Variants in SPATA16 observed in about 807,000 individuals in gnomAD.
SPATA16 encodes the protein spermatogenesis associated 16.
Under a neutral mutation model 63.3 loss-of-function variants are expected in SPATA16, and 36 were observed. That is an observed-to-expected ratio of 0.57 (90% CI 0.44 to 0.75). SPATA16 has a LOEUF of 0.75. Ranked by LOEUF, SPATA16 falls within the 30% of genes least tolerant of loss-of-function variation. The pLI is 0.00. For synonymous variants in SPATA16, 203 were observed against 216.7 expected (o/e 0.94, Z 0.56); for missense variants, 646 against 679.3 (o/e 0.95, Z 0.54).
intron 7 of SPATA16, 34 bp from the exon 8 acceptor site, chr3:172,924,351 T>A: frequency 6.8e-7 from 1 of 1,480,042 alleles, no homozygotes; most frequent in African/African-American, 1.4e-5. Flanking sequence ...TTATACTATT[T>A]TCTCCAGACT....
At chr3:173,135,032 G>A (rs6778392) in intron 1 of SPATA16, among the ~76,000 whole-genome samples, 32,463 of 152,034 alleles carry the variant, frequency 0.21, 4,040 homozygotes, top group African/African-American at 0.34. Context: ...ATGACAATTC[G>A]TAGAATAAAA....
chr3:173,103,231 G>A (rs1737536714), intron 2 of SPATA16, among the ~76,000 whole-genome samples: 1 of 152,194 alleles, frequency 6.6e-6, no homozygotes, highest in South Asian at 2.1e-4. Flanking sequence ...GCTGCTGGCG[G>A]TGCTATTGTT....
intron 2 of SPATA16, among the ~76,000 whole-genome samples, chr3:173,053,064 T>A (rs1257014629): frequency 6.6e-6 from 1 of 152,182 alleles, no homozygotes; most frequent in Admixed American, 6.5e-5. Context: ...ATGTTAAAAA[T>A]GAAATTTCAG....
At chr3:172,903,668 G>A (rs1184088685) in intron 10 of SPATA16, among the ~76,000 whole-genome samples, 1 of 152,218 alleles carries the variant, frequency 6.6e-6, no homozygotes, top group South Asian at 2.1e-4. Flanking sequence ...CTGTTTCCTT[G>A]AAGTTCTGAA....
chr3:173,127,692 TCA>T (rs1056250010), intron 1 of SPATA16, among the ~76,000 whole-genome samples: 5 of 152,262 alleles, frequency 3.3e-5, no homozygotes, highest in Non-Finnish European at 5.9e-5. Flanking sequence ...TCTCAGGGTA[TCA>T]CATTTGGAGG....
chr3:173,066,638 G>C (rs977757717), intron 2 of SPATA16, among the ~76,000 whole-genome samples: 2 of 152,188 alleles, frequency 1.3e-5, no homozygotes, highest in African/African-American at 4.8e-5. Context: ...AGTGACCACA[G>C]GCTTAGGTCA....
At chr3:173,032,057 A>G (rs1735618936) in intron 3 of SPATA16, among the ~76,000 whole-genome samples, 1 of 152,118 alleles carries the variant, frequency 6.6e-6, no homozygotes, top group South Asian at 2.1e-4. Context: ...ACCTAACTTC[A>G]GGGAAATAAC....
intron 4 of SPATA16, among the ~76,000 whole-genome samples, chr3:172,986,555 A>T (rs1734463450): frequency 6.6e-6 from 1 of 152,154 alleles, no homozygotes; most frequent in African/African-American, 2.4e-5. Flanking sequence ...AAGCAAAGGG[A>T]GCATAAGCCC....
intron 2 of SPATA16, among the ~76,000 whole-genome samples, chr3:173,092,752 G>A (rs1394810672): frequency 1.3e-5 from 2 of 152,126 alleles, no homozygotes; most frequent in Non-Finnish European, 2.9e-5. Flanking sequence ...CACTAAATTT[G>A]TGGTAACTTG....
chr3:173,029,755 G>A (rs1735558354), intron 3 of SPATA16, among the ~76,000 whole-genome samples: 1 of 151,960 alleles, frequency 6.6e-6, no homozygotes, highest in Admixed American at 6.6e-5. Flanking sequence ...ATACACATGG[G>A]TAATTTTCTC....
At chr3:172,959,424 G>A (rs771032946) in intron 5 of SPATA16, among the ~76,000 whole-genome samples, 2 of 152,168 alleles carry the variant, frequency 1.3e-5, no homozygotes, top group Admixed American at 6.5e-5. Context: ...GAGGGTATGC[G>A]CTGGAGAGCA....
In SPATA16 at chr3:173,024,884, G is replaced by A. The variant is rs190459478; in HGVS notation, c.759-5309C>T. Among the ~76,000 whole-genome samples the A allele has an allele frequency of 8.0e-3, 1,208 of 150,488 alleles. 6 individuals are homozygous for A. The highest frequency in any genetic ancestry group is 0.012 in the Non-Finnish European group (776 of 67,280). On this transcript the variant is annotated intron_variant, in intron 3 of 10. Transcript: ENST00000351008. ...AATTTATGTTTTCTTTTTAAAGAAA[G>A]CATTTAGAGGTTTGAATTTTTACAA...
At chr3:173,115,906 T>TC (rs1737886017) in intron 2 of SPATA16, among the ~76,000 whole-genome samples, 1 of 151,984 alleles carries the variant, frequency 6.6e-6, no homozygotes, top group Admixed American at 6.6e-5. Context: ...TTCTTTTTTT[T>TC]TTTTGACACA....
intron 2 of SPATA16, among the ~76,000 whole-genome samples, chr3:173,069,042 G>A (rs369963122): frequency 3.3e-5 from 5 of 149,996 alleles, no homozygotes; most frequent in Non-Finnish European, 7.4e-5. Context: ...CCCGGGAGGC[G>A]GAGCTTGCAG....
intron 6 of SPATA16, among the ~76,000 whole-genome samples, chr3:172,944,797 T>C (rs1733242238): frequency 1.3e-5 from 2 of 152,114 alleles, no homozygotes; most frequent in Admixed American, 1.3e-4. Flanking sequence ...AGACAGAAAA[T>C]AGAATAGTGT....
At chr3:173,078,299 A>G (rs1424721147) in intron 2 of SPATA16, among the ~76,000 whole-genome samples, 7 of 152,124 alleles carry the variant, frequency 4.6e-5, no homozygotes, top group African/African-American at 1.4e-4. Context: ...CTGGCTACTA[A>G]CATACTGTTA....
intron 5 of SPATA16, among the ~76,000 whole-genome samples, chr3:172,963,142 T>C (rs1236745578): frequency 1.3e-5 from 2 of 152,142 alleles, no homozygotes; most frequent in Admixed American, 1.3e-4. Flanking sequence ...ATGATCAACA[T>C]TTTGATGCTG....
At chr3:172,899,580 T>C (rs1377046410) in intron 10 of SPATA16, among the ~76,000 whole-genome samples, 1 of 152,110 alleles carries the variant, frequency 6.6e-6, no homozygotes, top group Non-Finnish European at 1.5e-5. Flanking sequence ...AAGTCTATTT[T>C]GCCAATCTCT....
intron 2 of SPATA16, among the ~76,000 whole-genome samples, chr3:173,099,964 A>G (rs971034593): frequency 3.3e-5 from 5 of 152,168 alleles, no homozygotes; most frequent in African/African-American, 1.2e-4. Context: ...GTGATTCCCT[A>G]AATGGAAGTC....
Sources: allele counts gnomAD v4.1 joint callset (sites outside exome capture counted in the v4.1 genomes callset), GRCh38; gene constraint gnomAD v4.1.1; transcripts MANE v1.5; gene names NCBI Gene and HGNC (gene_info 2026-07-23, HGNC 2026-07-21).